STX8: variants seen among roughly 807,000 people sequenced by gnomAD.
STX8 encodes the protein syntaxin 8, also known as syntaxin-8.
A neutral mutation model predicts 37.5 loss-of-function variants in STX8; 23 were observed. The ratio of observed to expected loss-of-function variants is 0.61; its 90% CI spans 0.44 to 0.87. STX8 has a LOEUF of 0.87. Ranked by LOEUF, STX8 falls within the 40% of genes least tolerant of loss-of-function variation. The probability of loss-of-function intolerance (pLI) is 0.00; values close to 1 mark genes in which losing one functional copy is unlikely to be tolerated. For synonymous variants in STX8, 115 were observed against 99.1 expected (o/e 1.16, Z -0.95); for missense variants, 313 against 284.7 (o/e 1.10, Z -0.71).
At position 9,535,424 on chromosome 17, in the gene STX8, C is replaced by CTTT. The variant is rs35962202; in HGVS notation, c.323+9745_323+9747dup. On this transcript the variant is annotated intron_variant, in intron 4 of 7. Coordinates refer to ENST00000306357, the MANE Select transcript of STX8 (RefSeq NM_004853.3). ...CATACCCTCTGACCCAGCCATCCTA[C>CTTT]TTTTTTTTTTTTTTTTTTTTTTTTT... Among the ~76,000 whole-genome samples the CTTT allele has an allele frequency of 7.7e-3, 398 of 51,550 alleles. 98 individuals are homozygous for CTTT. Among genetic ancestry groups the CTTT allele is most frequent in the African/African-American group, 0.024 (331 of 13,596 alleles). The allele number at this position is 51,550 out of a possible 152,430, so 33.8% of individuals were successfully genotyped here.
intron 6 of STX8, among the ~76,000 whole-genome samples, chr17:9,458,152 T>C (rs377229342): frequency 8.5e-5 from 13 of 152,314 alleles, no homozygotes; most frequent in African/African-American, 2.9e-4. Flanking sequence ...ATGCTGGCTT[T>C]TAATTTTATT....
rs1038097284 is a variant in STX8 at position 9,352,644 on chromosome 17, C to T, written c.643+25908G>A. Among the ~76,000 whole-genome samples, 5 of 151,562 alleles carry T rather than the reference C, an allele frequency of 3.3e-5. No individual in the cohort carries two copies. The South Asian group carries it at 6.3e-4, about 19-fold the overall frequency. Reference sequence around the variant, plus strand: ...CCTCCCGAGTAGCTGGGACTACAGGCGCCCGCCATCACGCCCGGCTAATTT... The same window carrying T: ...CCTCCCGAGTAGCTGGGACTACAGGTGCCCGCCATCACGCCCGGCTAATTT... On this transcript the variant is annotated intron_variant, in intron 7 of 7. Transcript: ENST00000306357.
intron 6 of STX8, among the ~76,000 whole-genome samples, chr17:9,434,701 G>A (rs1904363256): frequency 6.6e-6 from 1 of 152,228 alleles, no homozygotes. Flanking sequence ...GAGCGGCAGT[G>A]TGCAGCAGAG....
At chr17:9,307,303 T>C (rs967844519) in intron 7 of STX8, among the ~76,000 whole-genome samples, 4 of 152,174 alleles carry the variant, frequency 2.6e-5, no homozygotes, top group Admixed American at 1.3e-4. Context: ...CTGACGATCC[T>C]GACTGCCTCC....
chr17:9,426,776 TAAA>T (rs1405759678), intron 6 of STX8, among the ~76,000 whole-genome samples: 1 of 151,874 alleles, frequency 6.6e-6, no homozygotes, highest in Non-Finnish European at 1.5e-5. Flanking sequence ...TAAAGTAAAA[TAAA>T]GAATGATGGT....
intron 6 of STX8, among the ~76,000 whole-genome samples, chr17:9,421,803 T>C (rs1233988789): frequency 2.6e-5 from 4 of 152,092 alleles, no homozygotes; most frequent in Non-Finnish European, 4.4e-5. Context: ...TCATGTCGAA[T>C]TGTAATCCCC....
At chr17:9,437,101 G>A (rs1904459744) in intron 6 of STX8, among the ~76,000 whole-genome samples, 1 of 152,182 alleles carries the variant, frequency 6.6e-6, no homozygotes. Flanking sequence ...ACGACTATAA[G>A]CACTCACTGA....
At chr17:9,563,199 T>TTATTTA (rs1907318968) in intron 2 of STX8, among the ~76,000 whole-genome samples, 1 of 136,830 alleles carries the variant, frequency 7.3e-6, no homozygotes, top group African/African-American at 2.6e-5. Flanking sequence ...ATTTATTTAT[T>TTATTTA]GAGACAGAGT....
intron 4 of STX8, among the ~76,000 whole-genome samples, chr17:9,510,594 C>T (rs1366655834): frequency 6.6e-6 from 1 of 151,928 alleles, no homozygotes; most frequent in Non-Finnish European, 1.5e-5. Context: ...GCACAACATA[C>T]CGAAACCTAT....
intron 6 of STX8, among the ~76,000 whole-genome samples, chr17:9,415,471 T>A (rs1251347353): frequency 2.0e-5 from 3 of 152,046 alleles, no homozygotes; most frequent in African/African-American, 7.2e-5. Flanking sequence ...ACATGACTGT[T>A]ACAAAAGCAA....
intron 6 of STX8, among the ~76,000 whole-genome samples, chr17:9,430,454 A>G (rs1913915596): frequency 6.6e-6 from 1 of 151,454 alleles, no homozygotes; most frequent in Non-Finnish European, 1.5e-5. Context: ...TAGATATTCC[A>G]TATAAGTGAA....
chr17:9,469,165 G>A (rs1008117526), intron 6 of STX8: 2 of 152,148 alleles, frequency 1.3e-5, no homozygotes, highest in African/African-American at 4.8e-5. Context: ...TCATTTGCGT[G>A]GTTCCAATCA....
At position 9,418,922 on chromosome 17, in the gene STX8, C is replaced by CTTT. The variant is rs1199002351; in HGVS notation, c.542-40272_542-40270dup. 3.8e-3 allele frequency among the ~76,000 whole-genome samples: 423 copies of CTTT among 110,694 alleles called. 2 individuals carry two copies. The highest frequency in any genetic ancestry group is 0.013 in the African/African-American group (407 of 30,896). The allele number at this position is 110,694 out of a possible 152,430, so 72.6% of individuals were successfully genotyped here. A position where few individuals can be genotyped will look rare whatever the true frequency, so the allele number is the denominator to read the frequency against. On this transcript the variant is annotated intron_variant, in intron 6 of 7. Transcript: ENST00000306357. Reference sequence around the variant, plus strand: ...CCCACACCCCCCCCTCTTTTTTTTTCTTTTTTTTTTTTTTTTAAAGAGATG... The same window carrying CTTT: ...CCCACACCCCCCCCTCTTTTTTTTTCTTTTTTTTTTTTTTTTTTTAAAGAGATG...
intron 4 of STX8, among the ~76,000 whole-genome samples, chr17:9,517,301 T>G (rs1905183800): frequency 2.0e-5 from 3 of 152,156 alleles, no homozygotes; most frequent in Admixed American, 1.3e-4. Context: ...CCATCCTTTA[T>G]CACATTATGG....
At chr17:9,306,655 C>T (rs963294988) in intron 7 of STX8, among the ~76,000 whole-genome samples, 4 of 148,974 alleles carry the variant, frequency 2.7e-5, no homozygotes, top group African/African-American at 9.9e-5. Flanking sequence ...ATCCCAGCTA[C>T]TTGGGAGGCT....
chr17:9,316,282 G>A lies in STX8; in HGVS notation c.643+62270C>T, dbSNP rs540509449. 8.3e-4 allele frequency among the ~76,000 whole-genome samples: 127 copies of A among 152,214 alleles called. 1 individual carries two copies. The highest frequency in any genetic ancestry group is 4.8e-3 in the South Asian group (23 of 4,814). The stretch of plus-strand genomic sequence containing the variant: ...CTAAAACCTTTGGAATCTCTAAAGT[G>A]ATAAGTGTCTTTCTGAATGTTAATG... On this transcript the variant is annotated intron_variant, in intron 7 of 7. Coordinates refer to ENST00000306357, the MANE Select transcript of STX8 (RefSeq NM_004853.3).
intron 7 of STX8, among the ~76,000 whole-genome samples, chr17:9,278,839 C>G (rs886117264): frequency 2.0e-5 from 3 of 151,988 alleles, no homozygotes; most frequent in Non-Finnish European, 2.9e-5. Context: ...GCTTCTAAGA[C>G]TTGGGCCCAG....
At chr17:9,416,530 G>A (rs369533664) in intron 6 of STX8, among the ~76,000 whole-genome samples, 10 of 152,146 alleles carry the variant, frequency 6.6e-5, no homozygotes, top group East Asian at 3.9e-4. Context: ...CACCACGCCC[G>A]GCTAATTTTT....
chr17:9,340,481 A>G (rs1036749251), intron 7 of STX8, among the ~76,000 whole-genome samples: 1 of 152,204 alleles, frequency 6.6e-6, no homozygotes, highest in African/African-American at 2.4e-5. Flanking sequence ...AAAACATGAT[A>G]AACACTAGCA....
Sources: gnomAD v4.1 joint callset for allele counts (sites outside exome capture counted in the v4.1 genomes callset) on GRCh38, gnomAD v4.1.1 for gene constraint, MANE v1.5 for transcripts, NCBI Gene and HGNC (gene_info 2026-07-23, HGNC 2026-07-21) for gene names.